Variants in CAMTA1 observed in about 807,000 individuals in gnomAD.
CAMTA1 encodes calmodulin binding transcription activator 1.
In CAMTA1, 27 loss-of-function variants were observed where a neutral mutation model predicts 170.9. The ratio of observed to expected loss-of-function variants is 0.16; its 90% CI spans 0.12 to 0.22. The LOEUF is 0.22. Among genes scored for constraint, CAMTA1 ranks in the 10% least tolerant of loss-of-function variants. The probability of loss-of-function intolerance (pLI) is 1.00; values close to 1 mark genes in which losing one functional copy is unlikely to be tolerated. For synonymous variants in CAMTA1, 833 were observed against 891.5 expected (o/e 0.93, Z 1.17); for missense variants, 1,619 against 2,217.2 (o/e 0.73, Z 5.42).
chr1:7,389,612 G>A lies in CAMTA1; in HGVS notation c.439-78218G>A, dbSNP rs184784586. On this transcript the variant is annotated intron_variant, in intron 5 of 22. Coordinates refer to ENST00000303635, the MANE Select transcript of CAMTA1 (RefSeq NM_015215.4). The stretch of plus-strand genomic sequence containing the variant: ...GGCCACAGGCCGAACGAGGCTCCGT[G>A]GAGAGAAGTGGGGGCAGGTGGTGGG... 225 of 152,566 alleles carry A rather than the reference G, an allele frequency of 1.5e-3. 1 individual carries two copies. Among genetic ancestry groups the A allele is most frequent in the Non-Finnish European group, 2.5e-3 (170 of 68,192 alleles). 9.5% of individuals were successfully genotyped at this position (152,566 alleles called of 1,614,324 possible). A position where few individuals can be genotyped will look rare whatever the true frequency, so the allele number is the denominator to read the frequency against.
intron 7 of CAMTA1, among the ~76,000 whole-genome samples, chr1:7,649,264 A>G (rs893168417): frequency 2.0e-5 from 3 of 152,202 alleles, no homozygotes; most frequent in Non-Finnish European, 2.9e-5. Flanking sequence ...CTGTGTCCCC[A>G]CGGCAGCCCA....
intron 18 of CAMTA1, 122 bp downstream of exon 18, chr1:7,746,213 T>A: frequency 8.7e-7 from 1 of 1,143,110 alleles, no homozygotes; most frequent in Non-Finnish European, 1.2e-6. Context: ...TTGTAGAATT[T>A]TTTTGGAAGT....
intron 3 of CAMTA1, among the ~76,000 whole-genome samples, chr1:6,998,156 C>A (rs773461693): frequency 6.6e-6 from 1 of 152,114 alleles, no homozygotes; most frequent in East Asian, 1.9e-4. Flanking sequence ...TGGTTCACTG[C>A]AACCTCTGCC....
At position 7,738,707 on chromosome 1, in the gene CAMTA1, C is replaced by T. The variant is rs1346294428; in HGVS notation, c.4182+225C>T. Among the ~76,000 whole-genome samples, 13 of 152,318 alleles carry T rather than the reference C, an allele frequency of 8.5e-5. No homozygotes were observed. The highest frequency in any genetic ancestry group is 2.9e-4 in the African/African-American group (12 of 41,564). ...TGAATACCAGTGACCCCGGTCTCAG[C>T]AAAGCCTTCCCTCTTTGTACCAACT... On this transcript the variant is annotated intron_variant, in intron 16 of 22. Transcript: ENST00000303635. This position sits in a 1 kb window ranked among gnomAD's most constrained non-coding sequence, Gnocchi z 4.9.
intron 4 of CAMTA1, among the ~76,000 whole-genome samples, chr1:7,103,398 T>C (rs965987133): frequency 1.7e-5 from 2 of 116,454 alleles, no homozygotes; most frequent in Non-Finnish European, 3.6e-5. Flanking sequence ...TACACACAAC[T>C]ACACACGCAC....
chr1:6,805,944 G>C (rs138267162), intron 1 of CAMTA1, among the ~76,000 whole-genome samples: 1 of 151,832 alleles, frequency 6.6e-6, no homozygotes, highest in East Asian at 1.9e-4. Context: ...TCATATCCAA[G>C]GTCGTGAAGG....
chr1:6,796,103 T>C (rs1642417854), intron 1 of CAMTA1, among the ~76,000 whole-genome samples: 2 of 151,934 alleles, frequency 1.3e-5, no homozygotes, highest in South Asian at 4.1e-4. Flanking sequence ...AGTGCTATGC[T>C]ATGGCTCCTT....
rs1314609946 is a variant in CAMTA1, at chr1:7,173,107, G to A, written c.303-76384G>A. On this transcript the variant is annotated intron_variant, in intron 4 of 22. Coordinates refer to ENST00000303635, the MANE Select transcript of CAMTA1 (RefSeq NM_015215.4). This position sits in a 1 kb window ranked among gnomAD's most constrained non-coding sequence, Gnocchi z 5.4. ...AGCAGCCAGACGCTGCGTCCCTCCT[G>A]TCTCTTCAGCTGCGCCTTCCTCAGG... 2.6e-5 allele frequency among the ~76,000 whole-genome samples: 4 copies of A among 152,206 alleles called. No homozygotes were observed. The highest frequency in any genetic ancestry group is 2.6e-4 in the Admixed American group (4 of 15,286).
rs183529540 is a variant in CAMTA1 at position 7,295,306 on chromosome 1, C to T, written c.438+45680C>T. ...CATTCCGGCCCTGTCTCCTACATTG[C>T]ATCTCCATCTGTGATCTTTCACTCA... is the stretch of plus-strand genomic sequence containing the variant. On this transcript the variant is annotated intron_variant, in intron 5 of 22. Coordinates refer to ENST00000303635, the MANE Select transcript of CAMTA1 (RefSeq NM_015215.4). 6.6e-5 allele frequency among the ~76,000 whole-genome samples: 10 copies of T among 152,354 alleles called. No homozygotes were observed. The East Asian group carries it at 1.9e-3, about 29-fold the overall frequency.
intron 6 of CAMTA1, among the ~76,000 whole-genome samples, chr1:7,492,742 C>CGTGT (rs140307840): frequency 1.0e-3 from 24 of 24,038 alleles, no homozygotes; most frequent in South Asian, 3.3e-3. Flanking sequence ...CATACACACA[C>CGTGT]GCGCGCACAC....
intron 3 of CAMTA1, among the ~76,000 whole-genome samples, chr1:7,072,000 G>A (rs1435076817): frequency 2.6e-5 from 4 of 152,124 alleles, no homozygotes; most frequent in South Asian, 4.1e-4. Flanking sequence ...TTTCTGCATT[G>A]CATCTCCTGA....
chr1:7,483,897 C>G (rs1299761358), intron 6 of CAMTA1, among the ~76,000 whole-genome samples: 16 of 152,188 alleles, frequency 1.1e-4, no homozygotes, highest in Admixed American at 1.0e-3. Context: ...CTGAGCTCCA[C>G]ACACCTCCTG....
chr1:7,291,254 G>T (rs1358343608), intron 5 of CAMTA1, among the ~76,000 whole-genome samples: 1 of 152,154 alleles, frequency 6.6e-6, no homozygotes, highest in Non-Finnish European at 1.5e-5. Context: ...ACTCTGGCAG[G>T]ATCATCCATC....
chr1:6,833,827 T>A (rs1323351507), intron 3 of CAMTA1, among the ~76,000 whole-genome samples: 1 of 152,240 alleles, frequency 6.6e-6, no homozygotes, highest in Non-Finnish European at 1.5e-5. Flanking sequence ...AGATTATACA[T>A]TAAATTAAGA....
chr1:6,954,658 C>T (rs920410919), intron 3 of CAMTA1, among the ~76,000 whole-genome samples: 6 of 152,218 alleles, frequency 3.9e-5, no homozygotes, highest in East Asian at 1.9e-4. Context: ...CAAGGCCACA[C>T]AGGAGACAGG....
chr1:7,116,483 C>A (rs1422469222), intron 4 of CAMTA1, among the ~76,000 whole-genome samples: 1 of 152,104 alleles, frequency 6.6e-6, no homozygotes, highest in East Asian at 1.9e-4. Context: ...GGAGGGGCAA[C>A]TTATGGACAC....
chr1:7,555,830 A>G (rs1227365010), intron 6 of CAMTA1, among the ~76,000 whole-genome samples: 1 of 152,078 alleles, frequency 6.6e-6, no homozygotes, highest in African/African-American at 2.4e-5. Flanking sequence ...GTTCTCCTAA[A>G]TGCCCCAAAC....
intron 6 of CAMTA1, among the ~76,000 whole-genome samples, chr1:7,623,778 G>A (rs1005544733): frequency 1.3e-5 from 2 of 152,226 alleles, no homozygotes; most frequent in African/African-American, 4.8e-5. Context: ...GATTACAGAA[G>A]CTCTTTTTCA....
chr1:6,899,550 GCGCGCACACACA>G (rs1236615872), intron 3 of CAMTA1, among the ~76,000 whole-genome samples: 25 of 85,200 alleles, frequency 2.9e-4, no homozygotes, highest in African/African-American at 9.9e-4. Flanking sequence ...GCGCACGCGC[GCGCGCACACACA>G]CACACACACA....
Sources: gnomAD v4.1 joint callset for allele counts (sites outside exome capture counted in the v4.1 genomes callset) on GRCh38, gnomAD v4.1.1 for gene constraint, Gnocchi (gnomAD v3.1) non-coding constraint, MANE v1.5 for transcripts, NCBI Gene and HGNC (gene_info 2026-07-23, HGNC 2026-07-21) for gene names.